The following RFX4 variants were observed in gnomAD, a reference collection of about 807,000 sequenced individuals.
RFX4 encodes regulatory factor X4, also known as transcription factor RFX4.
In RFX4, 10 loss-of-function variants were observed where a neutral mutation model predicts 95.0. The ratio of observed to expected loss-of-function variants is 0.11; its 90% CI spans 0.06 to 0.18. The LOEUF (loss-of-function observed/expected upper bound fraction) is 0.18, where lower values mean the gene tolerates loss of function less well. Among genes scored for constraint, RFX4 ranks in the 10% least tolerant of loss-of-function variants. RFX4 has a pLI of 1.00. For missense variants in RFX4, 640 were observed against 922.0 expected (o/e 0.69, Z 3.96); for synonymous variants, 321 against 340.7 (o/e 0.94, Z 0.64).
intron 10 of RFX4, among the ~76,000 whole-genome samples, chr12:106,713,398 A>G (rs1263323012): frequency 6.6e-6 from 1 of 152,218 alleles, no homozygotes; most frequent in African/African-American, 2.4e-5. Context: ...AAAAAAATTA[A>G]AAGTGTTAAA....
At chr12:106,629,743 A>G (rs1448127877) in intron 2 of RFX4, among the ~76,000 whole-genome samples, 1 of 152,122 alleles carries the variant, frequency 6.6e-6, no homozygotes, top group African/African-American at 2.4e-5. Context: ...AAAGTGCTGA[A>G]ATTACAGGCA....
rs1217518370 is a variant in RFX4 at position 106,583,458 on chromosome 12, G to T, written c.43+95G>T. The T allele has an allele frequency of 7.3e-5, 92 of 1,257,766 alleles. No individual in the cohort carries two copies. The South Asian group carries it at 1.4e-3, about 19-fold the overall frequency. The allele number at this position is 1,257,766 out of a possible 1,614,324, so 77.9% of individuals were successfully genotyped here. Reference sequence around the variant, plus strand: ...AAGAAGTTGGGAAAAGTTCAGACGGGTCAACTTGACAGTGGAACCCCAAAG... The same window carrying T: ...AAGAAGTTGGGAAAAGTTCAGACGGTTCAACTTGACAGTGGAACCCCAAAG... On this transcript the variant is annotated intron_variant, in intron 1 of 17. Transcript: ENST00000392842.
chr12:106,665,526 T>C (rs762837703), intron 4 of RFX4, among the ~76,000 whole-genome samples: 3 of 152,006 alleles, frequency 2.0e-5, no homozygotes, highest in Non-Finnish European at 2.9e-5. Context: ...ACCATATTTG[T>C]TACTGTTTTC....
chr12:106,615,180 G>A (rs75330722), intron 2 of RFX4, among the ~76,000 whole-genome samples: 3,086 of 152,104 alleles, frequency 0.02, 111 homozygotes, highest in African/African-American at 0.07. Flanking sequence ...AGTAATCAAA[G>A]TTCTTTTTTT....
chr12:106,756,811 TATA>T (rs1447849960), intron 17 of RFX4, among the ~76,000 whole-genome samples: 1 of 152,240 alleles, frequency 6.6e-6, no homozygotes, highest in African/African-American at 2.4e-5. Context: ...ACACCATAGT[TATA>T]ATATTATATT....
intron 3 of RFX4, among the ~76,000 whole-genome samples, chr12:106,650,378 A>G (rs895203521): frequency 6.6e-6 from 1 of 152,188 alleles, no homozygotes; most frequent in African/African-American, 2.4e-5. Flanking sequence ...ATGAGACTGG[A>G]AAATGTTCCA....
At chr12:106,686,597 C>T (rs748358796) in intron 5 of RFX4, among the ~76,000 whole-genome samples, 2 of 152,082 alleles carry the variant, frequency 1.3e-5, no homozygotes, top group Non-Finnish European at 2.9e-5. Context: ...GAAAATTTTT[C>T]ATCCCCTCTC....
At chr12:106,616,861 A>G (rs2040083508) in intron 2 of RFX4, among the ~76,000 whole-genome samples, 1 of 152,050 alleles carries the variant, frequency 6.6e-6, no homozygotes, top group Non-Finnish European at 1.5e-5. Flanking sequence ...GCCAGACTCA[A>G]GCAATTCTCC....
In RFX4 at chr12:106,700,403, CTT is replaced by C. The variant is rs989886928; in HGVS notation, c.833+3977_833+3978del. Among the ~76,000 whole-genome samples the C allele has an allele frequency of 1.7e-3, 207 of 122,644 alleles. 1 individual carries two copies. The East Asian group carries it at 0.034, about 20-fold the overall frequency. 80.5% of individuals were successfully genotyped at this position (122,644 alleles called of 152,430 possible). A position where few individuals can be genotyped will look rare whatever the true frequency, so the allele number is the denominator to read the frequency against. On this transcript the variant is annotated intron_variant, in intron 8 of 17. Transcript: ENST00000392842. The stretch of plus-strand genomic sequence containing the variant: ...TTTTAAGTTTGTATATCTTCTTTTT[CTT>C]TTTTTTTTTTTTTTTTTTTGAGACG...
At chr12:106,681,242 G>C (rs1225733088) in intron 4 of RFX4, 1 of 152,256 alleles carries the variant, frequency 6.6e-6, no homozygotes, top group African/African-American at 2.4e-5. Context: ...GCCAAACCCT[G>C]TATGAGGTCC....
At chr12:106,709,132 A>G (rs192541017) in intron 8 of RFX4, among the ~76,000 whole-genome samples, 198 bp from the exon 9 acceptor site, 1 of 152,244 alleles carries the variant, frequency 6.6e-6, no homozygotes, top group East Asian at 1.9e-4. Flanking sequence ...AGCAGAGTAC[A>G]TTCTATTCGT....
intron 2 of RFX4, among the ~76,000 whole-genome samples, chr12:106,637,665 T>A (rs977214239): frequency 1.4e-5 from 2 of 147,746 alleles, no homozygotes; most frequent in Admixed American, 6.7e-5. Flanking sequence ...CTATCAATAA[T>A]CTTTATTAGG....
intron 4 of RFX4, among the ~76,000 whole-genome samples, chr12:106,673,458 T>C (rs2041328245): frequency 6.6e-6 from 1 of 152,230 alleles, no homozygotes; most frequent in Admixed American, 6.5e-5. Context: ...GCCTGTGAGA[T>C]AAGCTGAGCG....
chr12:106,612,058 T>A (rs1439703497), intron 2 of RFX4, among the ~76,000 whole-genome samples: 3 of 152,358 alleles, frequency 2.0e-5, no homozygotes, highest in Non-Finnish European at 4.4e-5. Context: ...TTCATGTTCT[T>A]CTTTTTCAAG....
At chr12:106,689,165 G>A (rs571847569) in intron 6 of RFX4, 122 bp from the exon 7 acceptor site, 21 of 822,406 alleles carry the variant, frequency 2.6e-5, no homozygotes, top group South Asian at 6.9e-5. Flanking sequence ...AGGCTGAGCC[G>A]GTGTTAGGTG....
intron 3 of RFX4, among the ~76,000 whole-genome samples, chr12:106,653,039 A>G (rs1202127856): frequency 6.6e-6 from 1 of 152,164 alleles, no homozygotes; most frequent in Non-Finnish European, 1.5e-5. Flanking sequence ...ATCAAAGGAG[A>G]AATGTTTCCT....
chr12:106,595,108 T>C (rs1453275941), intron 1 of RFX4, among the ~76,000 whole-genome samples: 1 of 152,182 alleles, frequency 6.6e-6, no homozygotes, highest in African/African-American at 2.4e-5. Context: ...CATGTTACTT[T>C]ATTTAACTCA....
chr12:106,620,318 TAAAG>T (rs2040157110), intron 2 of RFX4, among the ~76,000 whole-genome samples: 3 of 152,076 alleles, frequency 2.0e-5, no homozygotes, highest in Middle Eastern at 3.4e-3. Context: ...GGCTGAGAAA[TAAAG>T]AGAGACAGTA....
chr12:106,719,190 G>C (rs2042351561), intron 11 of RFX4, among the ~76,000 whole-genome samples: 1 of 152,132 alleles, frequency 6.6e-6, no homozygotes, highest in South Asian at 2.1e-4. Context: ...GTGAAGACAG[G>C]TTGTAAAGTG....
Sources: allele counts gnomAD v4.1 joint callset (sites outside exome capture counted in the v4.1 genomes callset), GRCh38; gene constraint gnomAD v4.1.1; transcripts MANE v1.5; gene names NCBI Gene and HGNC (gene_info 2026-07-23, HGNC 2026-07-21).